ULK4: variants seen among roughly 807,000 people sequenced by gnomAD.
ULK4 encodes inactive serine/threonine-protein kinase ULK4.
ULK4 carries 133 observed loss-of-function variants against 160.6 expected under a neutral mutation model. That is an observed-to-expected ratio of 0.83 (90% confidence interval 0.72 to 0.96). The LOEUF (loss-of-function observed/expected upper bound fraction) is 0.96. Ranked by LOEUF, ULK4 falls within the 40% of genes least tolerant of loss-of-function variation. The probability of loss-of-function intolerance (pLI) is 0.00; values close to 1 mark genes in which losing one functional copy is unlikely to be tolerated. For missense variants in ULK4, 1,580 were observed against 1,499.5 expected, an observed-to-expected ratio of 1.05 and a Z score of -0.89; for synonymous variants, 534 against 539.8, an observed-to-expected ratio of 0.99 and a Z score of 0.15.
At chr3:41,420,468 G>GTTTTTTTTTTTTTT (rs1559588075) in intron 34 of ULK4, among the ~76,000 whole-genome samples, 1 of 90,048 alleles carries the variant, frequency 1.1e-5, no homozygotes, top group Non-Finnish European at 2.2e-5. Flanking sequence ...CAGTTTTCCA[G>GTTTTTTTTTTTTTT]TTCTTTCTTT....
Position 41,431,355 on chromosome 3 carries a change from AAATAATAATAAT to A in ULK4, c.3492+24130_3492+24141del, listed in dbSNP as rs57010705. ...CAGCGAGACTCCGTCACACACACAC[AAATAATAATAAT>A]AATAATAATAATAATAATAATAATA... On this transcript the variant is annotated intron_variant, in intron 34 of 36. Coordinates refer to ENST00000301831, the MANE Select transcript of ULK4 (RefSeq NM_017886.4). 3.9e-3 allele frequency among the ~76,000 whole-genome samples: 543 copies of A among 139,108 alleles called. 3 individuals carry two copies. The highest frequency in any genetic ancestry group is 0.018 in the Middle Eastern group (5 of 276). The allele number at this position is 139,108 out of a possible 152,430, so 91.3% of individuals were successfully genotyped here. A position where few individuals can be genotyped will look rare whatever the true frequency, so the allele number is the denominator to read the frequency against.
chr3:41,449,247 G>T (rs1018071445), intron 34 of ULK4, among the ~76,000 whole-genome samples: 1 of 151,618 alleles, frequency 6.6e-6, no homozygotes, highest in Admixed American at 6.6e-5. Flanking sequence ...TTTTTTTTTA[G>T]AGACCAGGTC....
rs2083525419 is a variant in ULK4 at position 41,455,512 on chromosome 3, G to A, written c.3477C>T (p.Ser1159=). The change falls in exon 34 of 37, where the codon AGC becomes AGT. Residue 1159 remains serine, a synonymous_variant. Transcript: ENST00000301831. ...LLNRPLTDLI[S]LLIPLLPNED... ...GAGCTCTTACCAGTGGAATGAGCAG[G>A]CTAATCAGGTCTGTCAGAGGTCTGT... The A allele has an allele frequency of 3.1e-6, 5 of 1,613,884 alleles. No individual in the cohort carries two copies. The highest frequency in any genetic ancestry group is 4.2e-6 in the Non-Finnish European group (5 of 1,179,912).
At position 41,455,506 on chromosome 3, in the gene ULK4, G is replaced by C; in HGVS notation, c.3483C>G (p.Leu1161=). 7.4e-6 allele frequency: 12 copies of C among 1,613,974 alleles called. No individual in the cohort carries two copies. The highest frequency in any genetic ancestry group is 1.0e-5 in the Non-Finnish European group (12 of 1,179,886). The part of the protein sequence containing the change: ...NRPLTDLISL[L]IPLLPNEDPE... The stretch of plus-strand genomic sequence containing the variant: ...ACAGGTGAGCTCTTACCAGTGGAAT[G>C]AGCAGGCTAATCAGGTCTGTCAGAG... The change falls in exon 34 of 37, where the codon CTC becomes CTG. Residue 1161 remains leucine (L), a synonymous_variant. Coordinates refer to ENST00000301831, the MANE Select transcript of ULK4 (RefSeq NM_017886.4).
chr3:41,411,346 G>A (rs2082404730), intron 34 of ULK4, among the ~76,000 whole-genome samples: 1 of 151,748 alleles, frequency 6.6e-6, no homozygotes, highest in Non-Finnish European at 1.5e-5. Flanking sequence ...TGTGAAGCCT[G>A]CTACTTAGAG....
intron 31 of ULK4, among the ~76,000 whole-genome samples, chr3:41,582,417 G>A (rs1027633765): frequency 2.6e-5 from 4 of 151,942 alleles, no homozygotes; most frequent in Admixed American, 1.3e-4. Flanking sequence ...TTTTGAATTC[G>A]GGGGATTAAA....
intron 27 of ULK4, among the ~76,000 whole-genome samples, chr3:41,696,761 G>A (rs1039933743): frequency 6.6e-6 from 1 of 152,188 alleles, no homozygotes; most frequent in Non-Finnish European, 1.5e-5. Flanking sequence ...TGAGAGGAGA[G>A]AGTTATCTTG....
chr3:41,932,054 G>A, intron 4 of ULK4, 48 bp from the exon 5 acceptor site: 1 of 1,565,856 alleles, frequency 6.4e-7, no homozygotes, highest in Non-Finnish European at 8.7e-7. Context: ...AACTTAATTT[G>A]TACATATATC....
chr3:41,660,972 A>G (rs993595382), intron 30 of ULK4, among the ~76,000 whole-genome samples: 3 of 152,130 alleles, frequency 2.0e-5, no homozygotes, highest in Admixed American at 6.5e-5. Flanking sequence ...TGGCTATATC[A>G]TAGTTTATGT....
At chr3:41,493,073 C>T (rs1223324982) in intron 32 of ULK4, among the ~76,000 whole-genome samples, 4 of 103,314 alleles carry the variant, frequency 3.9e-5, no homozygotes, top group Admixed American at 1.1e-4. Context: ...CTGCACCAAG[C>T]GGACCTAATA....
chr3:41,441,162 T>C (rs1177766251), intron 34 of ULK4, among the ~76,000 whole-genome samples: 14 of 152,232 alleles, frequency 9.2e-5, no homozygotes, highest in Non-Finnish European at 1.5e-5. Flanking sequence ...GTAATCTTTA[T>C]TAGTCCCTTT....
chr3:41,635,545 T>C (rs975755374), intron 30 of ULK4, among the ~76,000 whole-genome samples: 5 of 152,200 alleles, frequency 3.3e-5, no homozygotes, highest in African/African-American at 1.2e-4. Flanking sequence ...AATTTTGATA[T>C]GTTACTTGTC....
At chr3:41,349,082 G>A (rs2080861615) in intron 35 of ULK4, among the ~76,000 whole-genome samples, 1 of 152,172 alleles carries the variant, frequency 6.6e-6, no homozygotes, top group Non-Finnish European at 1.5e-5. Flanking sequence ...CTGAAGTGAT[G>A]CATTCTGAGC....
At chr3:41,307,831 T>TTCATTCACTCATA (rs59623579) in intron 35 of ULK4, among the ~76,000 whole-genome samples, 26,861 of 151,992 alleles carry the variant, frequency 0.18, 3,024 homozygotes, top group African/African-American at 0.32. Context: ...CCCCGTTTCA[T>TTCATTCACTCATA]ACATACATAC....
chr3:41,420,310 C>T (rs771076194), intron 34 of ULK4, among the ~76,000 whole-genome samples: 1 of 151,734 alleles, frequency 6.6e-6, no homozygotes, highest in Non-Finnish European at 1.5e-5. Context: ...GTACCTGGCA[C>T]ATCTGTGATT....
At chr3:41,548,620 T>C (rs558392625) in intron 32 of ULK4, among the ~76,000 whole-genome samples, 446 of 152,100 alleles carry the variant, frequency 2.9e-3, no homozygotes, top group African/African-American at 0.01. Context: ...CACAATGCCA[T>C]TGCAGATGCC....
chr3:41,360,330 G>C (rs1460038822), intron 35 of ULK4, among the ~76,000 whole-genome samples: 2 of 152,194 alleles, frequency 1.3e-5, no homozygotes, highest in African/African-American at 4.8e-5. Context: ...GTAGAAATTA[G>C]TTCAACTCAT....
intron 35 of ULK4, among the ~76,000 whole-genome samples, chr3:41,348,025 T>A (rs868207410): frequency 6.6e-6 from 1 of 151,616 alleles, no homozygotes; most frequent in African/African-American, 2.4e-5. Context: ...CTGGCCAATA[T>A]GGTGAAACCC....
chr3:41,420,728 G>A (rs1253179302), intron 34 of ULK4, among the ~76,000 whole-genome samples: 3 of 149,802 alleles, frequency 2.0e-5, no homozygotes, highest in Non-Finnish European at 3.0e-5. Flanking sequence ...CAGGTGATCC[G>A]CCTCCCTCGG....
Sources: allele counts gnomAD v4.1 joint callset (sites outside exome capture counted in the v4.1 genomes callset), GRCh38; gene constraint gnomAD v4.1.1; transcripts MANE v1.5; gene names NCBI Gene and HGNC (gene_info 2026-07-23, HGNC 2026-07-21).